The following LRRC4C variants were observed in gnomAD, a reference collection of about 807,000 sequenced individuals.
The protein encoded by LRRC4C is leucine-rich repeat-containing protein 4C.
Under a neutral mutation model 33.6 loss-of-function variants are expected in LRRC4C, and 5 were observed. That is an observed-to-expected ratio of 0.15 (90% CI 0.08 to 0.31). The LOEUF is 0.31. Among genes scored for constraint, LRRC4C ranks in the 10% least tolerant of loss-of-function variants. The pLI is 1.00. For synonymous variants in LRRC4C, 329 were observed against 302.0 expected, an observed-to-expected ratio of 1.09 and a Z score of -0.93; for missense variants, 560 against 796.7, an observed-to-expected ratio of 0.70 and a Z score of 3.58.
At chr11:41,144,687 A>T (rs1357730248) in intron 1 of LRRC4C, among the ~76,000 whole-genome samples, 1 of 152,134 alleles carries the variant, frequency 6.6e-6, no homozygotes, top group Non-Finnish European at 1.5e-5. Context: ...ATGCCACTTC[A>T]ACTCTTTCAA....
intron 2 of LRRC4C, among the ~76,000 whole-genome samples, chr11:40,742,143 G>A (rs891883112): frequency 2.6e-5 from 4 of 151,930 alleles, no homozygotes; most frequent in African/African-American, 9.7e-5. Flanking sequence ...CCATAATAAT[G>A]TATCTTTCTA....
chr11:41,025,068 G>T (rs1203793138), intron 1 of LRRC4C, among the ~76,000 whole-genome samples: 11 of 151,272 alleles, frequency 7.3e-5, no homozygotes, highest in Non-Finnish European at 3.0e-5. Flanking sequence ...CCACTCACTG[G>T]CTGTTCCCTT....
intron 5 of LRRC4C, among the ~76,000 whole-genome samples, chr11:40,171,668 G>A (rs748304075): frequency 1.3e-5 from 2 of 152,062 alleles, no homozygotes; most frequent in Admixed American, 6.6e-5. Context: ...CACTATATGC[G>A]GCAGAAGGAG....
intron 3 of LRRC4C, among the ~76,000 whole-genome samples, chr11:40,514,730 T>A (rs1257874288): frequency 1.3e-5 from 2 of 151,906 alleles, no homozygotes; most frequent in African/African-American, 4.8e-5. Flanking sequence ...CCTCCCCACT[T>A]TCTTCTATCT....
At chr11:40,607,921 T>C (rs980578910) in intron 3 of LRRC4C, among the ~76,000 whole-genome samples, 1 of 152,008 alleles carries the variant, frequency 6.6e-6, no homozygotes, top group Non-Finnish European at 1.5e-5. Context: ...GCCTACATGC[T>C]CCCTCTAGGG....
chr11:40,266,787 G>A (rs1942292424), intron 4 of LRRC4C, among the ~76,000 whole-genome samples: 1 of 152,126 alleles, frequency 6.6e-6, no homozygotes, highest in Non-Finnish European at 1.5e-5. Flanking sequence ...TTGCCCAATG[G>A]AGTATAGTCA....
intron 3 of LRRC4C, among the ~76,000 whole-genome samples, chr11:40,355,119 C>G (rs561733616): frequency 6.6e-6 from 1 of 152,078 alleles, no homozygotes; most frequent in Non-Finnish European, 1.5e-5. Context: ...TGTCCAGGAG[C>G]GAGGGCCTGG....
intron 3 of LRRC4C, among the ~76,000 whole-genome samples, chr11:40,425,414 A>C (rs548096022): frequency 4.6e-5 from 7 of 152,302 alleles, no homozygotes; most frequent in African/African-American, 1.7e-4. Flanking sequence ...GACTGGAGGA[A>C]ATTTTGTTTG....
At chr11:40,173,635 T>C (rs1300572449) in intron 5 of LRRC4C, among the ~76,000 whole-genome samples, 3 of 152,202 alleles carry the variant, frequency 2.0e-5, no homozygotes, top group Non-Finnish European at 1.5e-5. Context: ...TACATTATTA[T>C]GGAAACAAAA....
intron 1 of LRRC4C, among the ~76,000 whole-genome samples, chr11:41,099,737 C>T (rs918799149): frequency 6.6e-6 from 1 of 152,070 alleles, no homozygotes; most frequent in Non-Finnish European, 1.5e-5. Context: ...GAACATCACA[C>T]TAAATAGGCA....
chr11:41,352,434 C>T (rs1952015289), intron 1 of LRRC4C, among the ~76,000 whole-genome samples: 2 of 151,978 alleles, frequency 1.3e-5, no homozygotes, highest in Admixed American at 6.6e-5. Context: ...ACTTCAACAC[C>T]CCACTGAGAG....
intron 1 of LRRC4C, among the ~76,000 whole-genome samples, chr11:41,060,016 C>A (rs1858947679): frequency 6.6e-6 from 1 of 152,144 alleles, no homozygotes; most frequent in Admixed American, 6.6e-5. Context: ...CAGAGTGAGA[C>A]TCTGTCTCAA....
At chr11:41,323,463 C>T (rs1951017438) in intron 1 of LRRC4C, among the ~76,000 whole-genome samples, 1 of 152,148 alleles carries the variant, frequency 6.6e-6, no homozygotes, top group South Asian at 2.1e-4. Flanking sequence ...ACTGCCTTAC[C>T]ACATATGCCA....
intron 5 of LRRC4C, among the ~76,000 whole-genome samples, chr11:40,181,234 T>G (rs1590636318): frequency 1.3e-5 from 2 of 152,288 alleles, no homozygotes; most frequent in East Asian, 1.9e-4. Flanking sequence ...CTTTCTCTTC[T>G]TCCTCTCCCA....
intron 1 of LRRC4C, among the ~76,000 whole-genome samples, chr11:41,278,805 C>T (rs1158356458): frequency 8.3e-6 from 1 of 120,968 alleles, no homozygotes; most frequent in Non-Finnish European, 1.7e-5. Context: ...TCCTGTTTTT[C>T]TGTTTTATTT....
intron 3 of LRRC4C, among the ~76,000 whole-genome samples, chr11:40,322,012 G>T (rs939148345): frequency 6.6e-6 from 1 of 152,072 alleles, no homozygotes. Context: ...AACAAGGCAG[G>T]GGGTTTGTTG....
intron 2 of LRRC4C, among the ~76,000 whole-genome samples, chr11:40,832,204 G>T (rs750664815): frequency 6.6e-6 from 1 of 151,908 alleles, no homozygotes; most frequent in Non-Finnish European, 1.5e-5. Flanking sequence ...GGTAAGTATT[G>T]TTCATCTAAA....
intron 3 of LRRC4C, among the ~76,000 whole-genome samples, chr11:40,577,063 T>A (rs1958222580): frequency 6.6e-6 from 1 of 152,190 alleles, no homozygotes; most frequent in Admixed American, 6.5e-5. Context: ...TCTTCTGTCC[T>A]TAAAACAGTA....
intron 3 of LRRC4C, among the ~76,000 whole-genome samples, chr11:40,419,520 G>C (rs1950448096): frequency 6.6e-6 from 1 of 152,104 alleles, no homozygotes; most frequent in South Asian, 2.1e-4. Flanking sequence ...TACTGAAAGA[G>C]AAGAACTGTC....
Sources: allele counts gnomAD v4.1 joint callset (sites outside exome capture counted in the v4.1 genomes callset), GRCh38; gene constraint gnomAD v4.1.1; transcripts MANE v1.5; gene names NCBI Gene and HGNC (gene_info 2026-07-23, HGNC 2026-07-21).